Variants in ULK4 observed in about 807,000 individuals in gnomAD.
The protein encoded by ULK4 is inactive serine/threonine-protein kinase ULK4.
A neutral mutation model predicts 160.6 loss-of-function variants in ULK4; 133 were observed. The ratio of observed to expected loss-of-function variants is 0.83; its 90% CI spans 0.72 to 0.96. ULK4 has a LOEUF of 0.96. Ranked by LOEUF, ULK4 falls within the 40% of genes least tolerant of loss-of-function variation. The pLI, the probability that ULK4 is intolerant of heterozygous loss-of-function variation, is 0.00. For synonymous variants in ULK4, 534 were observed against 539.8 expected (o/e 0.99, Z 0.15); for missense variants, 1,580 against 1,499.5 (o/e 1.05, Z -0.89).
rs189229481 is a variant in ULK4 at position 41,269,275 on chromosome 3, T to C, written c.3679-19701A>G. ...ACCCCCATTAACTTCACTACTAATT[T>C]CAATGCAAATCCATGAAAGGAATAA... is the stretch of plus-strand genomic sequence containing the variant. On this transcript the variant is annotated intron_variant, in intron 35 of 36. Transcript: ENST00000301831. Among the ~76,000 whole-genome samples, 351 of 152,106 alleles carry C rather than the reference T, an allele frequency of 2.3e-3. 1 individual carries two copies. The highest frequency in any genetic ancestry group is 8.2e-3 in the African/African-American group (339 of 41,480).
intron 32 of ULK4, among the ~76,000 whole-genome samples, chr3:41,495,690 G>A (rs993406376): frequency 8.6e-5 from 13 of 151,312 alleles, no homozygotes; most frequent in Admixed American, 6.6e-4. Flanking sequence ...CTGACAAAGG[G>A]CTAATATCCA....
intron 35 of ULK4, among the ~76,000 whole-genome samples, chr3:41,288,100 A>G (rs2079496312): frequency 6.6e-6 from 1 of 152,204 alleles, no homozygotes; most frequent in South Asian, 2.1e-4. Context: ...GAATTACACT[A>G]AAATTCAGTT....
intron 29 of ULK4, among the ~76,000 whole-genome samples, chr3:41,677,262 A>T (rs1440598423): frequency 6.6e-6 from 1 of 151,440 alleles, no homozygotes; most frequent in Admixed American, 6.6e-5. Flanking sequence ...TAACTCAAAT[A>T]CTATCTCTTT....
intron 35 of ULK4, among the ~76,000 whole-genome samples, chr3:41,349,977 C>A (rs1379674569): frequency 6.6e-6 from 1 of 152,126 alleles, no homozygotes; most frequent in Non-Finnish European, 1.5e-5. Context: ...AATATAAATT[C>A]TCTGTGCTAT....
intron 32 of ULK4, among the ~76,000 whole-genome samples, chr3:41,510,825 A>G (rs574968749): frequency 2.0e-5 from 3 of 152,310 alleles, no homozygotes; most frequent in East Asian, 3.9e-4. Context: ...GGATACAGCA[A>G]AAGTGGTGCT....
intron 35 of ULK4, among the ~76,000 whole-genome samples, chr3:41,342,737 C>A (rs535441545): frequency 1.4e-4 from 22 of 152,298 alleles, no homozygotes; most frequent in South Asian, 2.1e-4. Context: ...AAACTTTAGG[C>A]CAATATCCCC....
chr3:41,875,550 T>G (rs1349912752), intron 17 of ULK4, among the ~76,000 whole-genome samples: 1 of 152,174 alleles, frequency 6.6e-6, no homozygotes, highest in East Asian at 1.9e-4. Context: ...GAAGATGGCT[T>G]AAGCCCAAGG....
At chr3:41,487,395 G>A (rs2084578228) in intron 32 of ULK4, among the ~76,000 whole-genome samples, 1 of 151,912 alleles carries the variant, frequency 6.6e-6, no homozygotes, top group South Asian at 2.1e-4. Context: ...AAGAACGGTG[G>A]GATATTTTTG....
intron 22 of ULK4, among the ~76,000 whole-genome samples, chr3:41,737,877 T>G (rs182012795): frequency 6.6e-6 from 1 of 152,080 alleles, no homozygotes; most frequent in Non-Finnish European, 1.5e-5. Flanking sequence ...CTGTAATTAT[T>G]CTTCGTTTCC....
rs1185438251 is a variant in ULK4, at chr3:41,622,403, T to A, written c.3072-6686A>T. ...AAGAAAATGTGGCTCATATACACCA[T>A]GGAATGCTATGCAGCCATGAAAAGT... On this transcript the variant is annotated intron_variant, in intron 30 of 36. Coordinates refer to ENST00000301831, the MANE Select transcript of ULK4 (RefSeq NM_017886.4). Among the ~76,000 whole-genome samples the A allele has an allele frequency of 2.6e-5, 4 of 152,292 alleles. No individual in the cohort carries two copies. The East Asian group carries it at 7.7e-4, about 29-fold the overall frequency.
At chr3:41,602,286 GAA>G (rs757805779) in intron 31 of ULK4, among the ~76,000 whole-genome samples, 30 of 120,346 alleles carry the variant, frequency 2.5e-4, no homozygotes, top group East Asian at 4.6e-4. Context: ...GAAAGGAAAG[GAA>G]AGGAAAGGAA....
intron 32 of ULK4, among the ~76,000 whole-genome samples, chr3:41,562,034 G>T (rs1284370073): frequency 6.6e-6 from 1 of 152,176 alleles, no homozygotes; most frequent in Non-Finnish European, 1.5e-5. Context: ...TGCTTTTAAT[G>T]TGTCCCAGAG....
chr3:41,267,794 T>C (rs6599147), intron 35 of ULK4, among the ~76,000 whole-genome samples: 74,040 of 152,024 alleles, frequency 0.49, 18,546 homozygotes, highest in African/African-American at 0.58. Flanking sequence ...GAGGAAACTG[T>C]CACCTCAGGA....
chr3:41,773,117 C>G (rs891659915), intron 21 of ULK4, among the ~76,000 whole-genome samples: 6 of 152,150 alleles, frequency 3.9e-5, no homozygotes, highest in Non-Finnish European at 7.4e-5. Context: ...CAATATCATA[C>G]TGAATGGAAA....
intron 27 of ULK4, among the ~76,000 whole-genome samples, chr3:41,693,359 T>C (rs973557573): frequency 6.6e-6 from 1 of 152,202 alleles, no homozygotes; most frequent in Non-Finnish European, 1.5e-5. Flanking sequence ...ACCCTGAAGA[T>C]ACACCTACAA....
chr3:41,578,223 G>A (rs977718904), intron 31 of ULK4, among the ~76,000 whole-genome samples: 5 of 152,160 alleles, frequency 3.3e-5, no homozygotes, highest in African/African-American at 1.2e-4. Flanking sequence ...AAGTAACTTA[G>A]AACTGCAAGC....
chr3:41,610,283 C>T (rs2032611005), intron 31 of ULK4, among the ~76,000 whole-genome samples: 1 of 152,042 alleles, frequency 6.6e-6, no homozygotes. Context: ...TCCCAAAGTG[C>T]TGGAATTACA....
At chr3:41,959,833 T>TA (rs1274820974) in intron 1 of ULK4, among the ~76,000 whole-genome samples, 1 of 152,112 alleles carries the variant, frequency 6.6e-6, no homozygotes, top group Non-Finnish European at 1.5e-5. Context: ...TGGTATGTAT[T>TA]ATAACCAAAA....
intron 16 of ULK4, among the ~76,000 whole-genome samples, chr3:41,887,769 C>G (rs1042001647): frequency 3.1e-4 from 13 of 41,650 alleles, no homozygotes; most frequent in African/African-American, 5.3e-4. Flanking sequence ...TGCAGTGAGC[C>G]AAGATCATGC....
Sources: allele counts gnomAD v4.1 joint callset (sites outside exome capture counted in the v4.1 genomes callset), GRCh38; gene constraint gnomAD v4.1.1; transcripts MANE v1.5; gene names NCBI Gene and HGNC (gene_info 2026-07-23, HGNC 2026-07-21).